TMCO4: variants seen among roughly 807,000 people sequenced by gnomAD.
The protein encoded by TMCO4 is transmembrane and coiled-coil domain-containing protein 4.
Under a neutral mutation model 64.7 loss-of-function variants are expected in TMCO4, and 58 were observed. The ratio of observed to expected loss-of-function variants is 0.90; its 90% CI spans 0.73 to 1.12. TMCO4 has a LOEUF of 1.12. Ranked by LOEUF, TMCO4 falls within the 50% of genes most tolerant of loss-of-function variation. The pLI, the probability that TMCO4 is intolerant of heterozygous loss-of-function variation, is 0.00. For missense variants in TMCO4, 780 were observed against 825.9 expected, an observed-to-expected ratio of 0.94 and a Z score of 0.68; for synonymous variants, 325 against 346.1, an observed-to-expected ratio of 0.94 and a Z score of 0.68.
At chr1:19,739,279 A>G (rs2095468955) in intron 12 of TMCO4, among the ~76,000 whole-genome samples, 1 of 152,206 alleles carries the variant, frequency 6.6e-6, no homozygotes, top group African/African-American at 2.4e-5. Context: ...TAAAAGTATT[A>G]TGATGATGTC....
chr1:19,693,528 C>T (rs1356054715), intron 15 of TMCO4, among the ~76,000 whole-genome samples: 24 of 152,154 alleles, frequency 1.6e-4, no homozygotes, highest in Admixed American at 1.6e-3. Flanking sequence ...GTTTGTGTGG[C>T]TGCCCAGCAG....
Position 19,788,977 on chromosome 1 carries a change from A to G in TMCO4, c.-100-1860T>C, listed in dbSNP as rs574887244. Among the ~76,000 whole-genome samples the G allele has an allele frequency of 5.9e-5, 9 of 152,104 alleles. No individual in the cohort carries two copies. The South Asian group carries it at 1.0e-3, about 18-fold the overall frequency. ...GTAGTCCCAGCTACTCAGGAGGCTG[A>G]GGCAGGAGAATGGCGTGAACCCGGG... On this transcript the variant is annotated intron_variant, in intron 2 of 15. Coordinates refer to ENST00000294543, the MANE Select transcript of TMCO4 (RefSeq NM_181719.7).
At chr1:19,686,905 C>T (rs2095153597) in intron 15 of TMCO4, among the ~76,000 whole-genome samples, 1 of 152,066 alleles carries the variant, frequency 6.6e-6, no homozygotes, top group Non-Finnish European at 1.5e-5. Context: ...AGAATGCTAG[C>T]TTTTGATATT....
intron 2 of TMCO4, among the ~76,000 whole-genome samples, chr1:19,790,157 G>C (rs774478771): frequency 6.6e-6 from 1 of 151,356 alleles, no homozygotes; most frequent in African/African-American, 2.4e-5. Context: ...TCTTTACACC[G>C]TATACAAAAA....
intron 13 of TMCO4, among the ~76,000 whole-genome samples, chr1:19,717,271 G>A (rs2095361079): frequency 6.6e-6 from 1 of 152,188 alleles, no homozygotes; most frequent in Non-Finnish European, 1.5e-5. Context: ...CAGCTGCAGG[G>A]AGGACTGGCT....
intron 6 of TMCO4, among the ~76,000 whole-genome samples, chr1:19,770,273 AG>A (rs938355454): frequency 6.6e-6 from 1 of 152,166 alleles, no homozygotes; most frequent in Non-Finnish European, 1.5e-5. Context: ...CTGGGTGGAG[AG>A]GGGAAGGAAC....
intron 3 of TMCO4, among the ~76,000 whole-genome samples, chr1:19,782,445 A>G (rs1026351000): frequency 6.6e-6 from 1 of 152,208 alleles, no homozygotes; most frequent in Non-Finnish European, 1.5e-5. Context: ...AATGATCTCT[A>G]TCTTGACCTG....
intron 4 of TMCO4, 118 bp from the exon 5 acceptor site, chr1:19,771,600 G>T: frequency 3.0e-6 from 3 of 1,002,038 alleles, no homozygotes; most frequent in Non-Finnish European, 4.3e-6. Flanking sequence ...CTTACTGACT[G>T]TGATCCCTCA....
chr1:19,794,618 A>T (rs1490733508), intron 2 of TMCO4, among the ~76,000 whole-genome samples: 2 of 152,232 alleles, frequency 1.3e-5, no homozygotes, highest in Non-Finnish European at 2.9e-5. Flanking sequence ...AAATTATAAC[A>T]GCACATGTTC....
Position 19,682,542 on chromosome 1 carries a change from G to A in TMCO4, c.*498C>T, listed in dbSNP as rs1289448271. Reference sequence around the variant, plus strand: ...AGTGAGCTGCCTTCTTTGTACCTGCGCCTGCTCTGTTGCTGCCAGTTGATG... The same window carrying A: ...AGTGAGCTGCCTTCTTTGTACCTGCACCTGCTCTGTTGCTGCCAGTTGATG... On this transcript the variant is annotated 3_prime_UTR_variant, in exon 16 of 16. Coordinates refer to ENST00000294543, the MANE Select transcript of TMCO4 (RefSeq NM_181719.7). The A allele has an allele frequency of 4.5e-5, 32 of 710,008 alleles. No homozygotes were observed. The highest frequency in any genetic ancestry group is 7.5e-5 in the South Asian group (5 of 67,058). 44.0% of individuals were successfully genotyped at this position (710,008 alleles called of 1,614,324 possible).
chr1:19,774,825 A>C (rs2043140597), intron 4 of TMCO4, among the ~76,000 whole-genome samples: 1 of 152,162 alleles, frequency 6.6e-6, no homozygotes, highest in East Asian at 1.9e-4. Context: ...ACTAGTTTAC[A>C]CTACTCTAGA....
intron 13 of TMCO4, among the ~76,000 whole-genome samples, chr1:19,716,215 C>G (rs550705746): frequency 6.7e-6 from 1 of 149,338 alleles, no homozygotes; most frequent in Admixed American, 6.7e-5. Context: ...GATGGAGTCT[C>G]ACACTGTTGT....
intron 7 of TMCO4, among the ~76,000 whole-genome samples, chr1:19,747,660 C>T (rs1198953416): frequency 6.6e-6 from 1 of 152,162 alleles, no homozygotes; most frequent in African/African-American, 2.4e-5. Flanking sequence ...CATCTGATCC[C>T]ACCTCCCTCT....
At chr1:19,759,783 A>G (rs2042418353) in intron 6 of TMCO4, among the ~76,000 whole-genome samples, 1 of 152,168 alleles carries the variant, frequency 6.6e-6, no homozygotes, top group Admixed American at 6.5e-5. Context: ...TTCCCTGTAT[A>G]GGTTTATTGT....
At chr1:19,754,972 G>GT (rs2042179142) in intron 7 of TMCO4, among the ~76,000 whole-genome samples, 2 of 152,092 alleles carry the variant, frequency 1.3e-5, no homozygotes, top group African/African-American at 4.8e-5. Flanking sequence ...CCAATGTCAA[G>GT]CAGTGGACAG....
chr1:19,714,508 C>A (rs911359531), intron 13 of TMCO4, among the ~76,000 whole-genome samples: 3 of 152,242 alleles, frequency 2.0e-5, no homozygotes, highest in Admixed American at 6.5e-5. Flanking sequence ...GTTTCTGCAA[C>A]CTTTCTTCAT....
At chr1:19,793,743 G>A (rs1456996944) in intron 2 of TMCO4, among the ~76,000 whole-genome samples, 4 of 152,200 alleles carry the variant, frequency 2.6e-5, no homozygotes, top group African/African-American at 9.6e-5. Context: ...GGAGGGTGGG[G>A]TGACAGTGCC....
At chr1:19,769,745 G>A (rs1484960504) in intron 6 of TMCO4, among the ~76,000 whole-genome samples, 2 of 152,078 alleles carry the variant, frequency 1.3e-5, no homozygotes, top group African/African-American at 4.8e-5. Context: ...TGGGGGTGGG[G>A]AGGAGCTCAG....
In TMCO4 at chr1:19,682,421, C is replaced by T. The variant is rs1019046494; in HGVS notation, c.*619G>A. On this transcript the variant is annotated 3_prime_UTR_variant, in exon 16 of 16. Coordinates refer to ENST00000294543, the MANE Select transcript of TMCO4 (RefSeq NM_181719.7). ...ATGTTGCATGACGGGGGAGCACACT[C>T]ACATTGTGTCTGTGTGACTCATGTC... 2 of 572,210 alleles carry T rather than the reference C, an allele frequency of 3.5e-6. No individual in the cohort carries two copies. Among genetic ancestry groups the T allele is most frequent in the African/African-American group, 3.7e-5 (2 of 53,560 alleles). 35.4% of individuals were successfully genotyped at this position (572,210 alleles called of 1,614,324 possible). A position where few individuals can be genotyped will look rare whatever the true frequency, so the allele number is the denominator to read the frequency against.
Sources: allele counts gnomAD v4.1 joint callset (sites outside exome capture counted in the v4.1 genomes callset), GRCh38; gene constraint gnomAD v4.1.1; transcripts MANE v1.5; gene names NCBI Gene and HGNC (gene_info 2026-07-23, HGNC 2026-07-21).